The following DPP10 variants were observed in gnomAD, a reference collection of about 807,000 sequenced individuals.
The protein encoded by DPP10 is dipeptidyl peptidase like 10.
Under a neutral mutation model 120.9 loss-of-function variants are expected in DPP10, and 33 were observed. The ratio of observed to expected loss-of-function variants is 0.27; its 90% CI spans 0.21 to 0.37. The LOEUF (loss-of-function observed/expected upper bound fraction) is 0.37. DPP10 is among the 10% of genes least tolerant of loss of function. The pLI is 1.00. For synonymous variants in DPP10, 337 were observed against 326.1 expected (o/e 1.03, Z -0.36); for missense variants, 816 against 942.8 (o/e 0.87, Z 1.76).
chr2:115,571,631 A>G (rs1403407687), intron 5 of DPP10, among the ~76,000 whole-genome samples: 1 of 152,096 alleles, frequency 6.6e-6, no homozygotes, highest in Non-Finnish European at 1.5e-5. Context: ...CTTAATGACA[A>G]GGACCTATCT....
At chr2:115,841,834 C>T (rs74608878) in intron 25 of DPP10, among the ~76,000 whole-genome samples, 1,964 of 152,266 alleles carry the variant, frequency 0.013, 44 homozygotes, top group African/African-American at 0.042. Flanking sequence ...GAACTCAATG[C>T]TCTTTAAATA....
chr2:115,725,257 G>A (rs1049941466), intron 7 of DPP10, among the ~76,000 whole-genome samples: 2 of 151,990 alleles, frequency 1.3e-5, no homozygotes, highest in African/African-American at 2.4e-5. Flanking sequence ...CAGTACCTGG[G>A]GATACTTGCA....
intron 1 of DPP10, among the ~76,000 whole-genome samples, chr2:114,908,618 A>G (rs1406828086): frequency 1.3e-5 from 2 of 151,804 alleles, no homozygotes; most frequent in Admixed American, 6.6e-5. Flanking sequence ...TTTATCATCA[A>G]TTATGATGTT....
chr2:115,245,294 AC>A (rs1388849666), intron 1 of DPP10, among the ~76,000 whole-genome samples: 1 of 151,996 alleles, frequency 6.6e-6, no homozygotes, highest in Non-Finnish European at 1.5e-5. Context: ...AAAACAAATA[AC>A]CTCATCAAAA....
At chr2:115,188,578 A>G (rs1047433708) in intron 1 of DPP10, among the ~76,000 whole-genome samples, 13 of 152,228 alleles carry the variant, frequency 8.5e-5, no homozygotes, top group African/African-American at 2.7e-4. Flanking sequence ...TTTTCTAACC[A>G]CACATAAAGA....
rs564998823 is a variant in DPP10 at position 114,798,490 on chromosome 2, A to T, written c.60+355652A>T. 9.8e-5 allele frequency among the ~76,000 whole-genome samples: 15 copies of T among 152,320 alleles called. No individual in the cohort carries two copies. In the South Asian group the frequency reaches 3.1e-3, roughly 32 times the overall value. On this transcript the variant is annotated intron_variant, in intron 1 of 25. Transcript: ENST00000410059. Reference sequence around the variant, plus strand: ...TGCCCAGTAAGTGACAGAAAAAAAAATCAATTTGTTTATTCTTCTTTTTCT... The same window carrying T: ...TGCCCAGTAAGTGACAGAAAAAAAATTCAATTTGTTTATTCTTCTTTTTCT...
intron 3 of DPP10, among the ~76,000 whole-genome samples, chr2:115,377,467 A>T (rs563057446): frequency 6.6e-6 from 1 of 152,146 alleles, no homozygotes; most frequent in African/African-American, 2.4e-5. Context: ...TTGTCAGATG[A>T]GTAGATTGCA....
chr2:115,379,785 T>C (rs191638067), intron 3 of DPP10, among the ~76,000 whole-genome samples: 2,015 of 152,322 alleles, frequency 0.013, 25 homozygotes, highest in Non-Finnish European at 0.023. Context: ...AGAACATCTT[T>C]ATTTCTGCCT....
intron 5 of DPP10, among the ~76,000 whole-genome samples, chr2:115,653,486 C>T (rs149888446): frequency 1.3e-5 from 2 of 152,030 alleles, no homozygotes; most frequent in Admixed American, 1.3e-4. Context: ...TAAATGAAAT[C>T]CTAATTCCTT....
chr2:114,458,448 C>G (rs1355187230), intron 1 of DPP10, among the ~76,000 whole-genome samples: 3 of 152,006 alleles, frequency 2.0e-5, no homozygotes, highest in South Asian at 2.1e-4. Context: ...GTTGACTGCT[C>G]TAGTTATTTT....
chr2:115,319,879 A>G (rs2061975520), intron 2 of DPP10, among the ~76,000 whole-genome samples: 1 of 152,138 alleles, frequency 6.6e-6, no homozygotes, highest in Non-Finnish European at 1.5e-5. Context: ...AACAGAAGGA[A>G]AAGACAGCCT....
chr2:115,720,789 T>G (rs2092630373), intron 7 of DPP10, among the ~76,000 whole-genome samples: 1 of 152,164 alleles, frequency 6.6e-6, no homozygotes, highest in Admixed American at 6.5e-5. Flanking sequence ...TTAAAGACAT[T>G]GATAAACTGG....
intron 21 of DPP10, among the ~76,000 whole-genome samples, 159 bp downstream of exon 21, chr2:115,815,888 A>G (rs991215570): frequency 1.3e-5 from 2 of 151,916 alleles, no homozygotes; most frequent in Non-Finnish European, 2.9e-5. Context: ...GCAAGATTTG[A>G]TGGCAGAGGA....
intron 1 of DPP10, among the ~76,000 whole-genome samples, chr2:114,456,095 T>C (rs1055160884): frequency 2.0e-5 from 3 of 152,198 alleles, no homozygotes; most frequent in Non-Finnish European, 1.5e-5. Flanking sequence ...TCTCACGTTT[T>C]CATGGTCATC....
chr2:115,769,379 A>G (rs1348246108), intron 13 of DPP10, among the ~76,000 whole-genome samples: 1 of 152,094 alleles, frequency 6.6e-6, no homozygotes, highest in Non-Finnish European at 1.5e-5. Context: ...ACCATTATCC[A>G]TATACATTTG....
At chr2:115,011,840 G>A (rs1702286970) in intron 1 of DPP10, among the ~76,000 whole-genome samples, 1 of 152,022 alleles carries the variant, frequency 6.6e-6, no homozygotes, top group South Asian at 2.1e-4. Context: ...CTGAAAACCT[G>A]TGAGTCTGCT....
rs563918197 is a variant in DPP10, at chr2:115,099,249, G to C, written c.61-209990G>C. 4.6e-5 allele frequency among the ~76,000 whole-genome samples: 7 copies of C among 152,292 alleles called. No homozygotes were observed. The South Asian group carries it at 1.5e-3, about 32-fold the overall frequency. ...GAATCACTTGAACCCAGGAGGCGGA[G>C]GTTGCTGCGAGCCAAGGTTGTGCCA... On this transcript the variant is annotated intron_variant, in intron 1 of 25. Transcript: ENST00000410059.
chr2:115,107,422 CTTTTT>C (rs59046305), intron 1 of DPP10, among the ~76,000 whole-genome samples: 133 of 59,844 alleles, frequency 2.2e-3, no homozygotes, highest in East Asian at 3.7e-3. Context: ...TTGGTTATAG[CTTTTT>C]TTTTTTTTTT....
intron 1 of DPP10, among the ~76,000 whole-genome samples, chr2:114,845,189 T>C (rs565162765): frequency 3.8e-4 from 58 of 152,220 alleles, no homozygotes; most frequent in African/African-American, 1.3e-3. Context: ...CAACATGCAT[T>C]GGACTCAACC....
Sources: allele counts gnomAD v4.1 joint callset (sites outside exome capture counted in the v4.1 genomes callset), GRCh38; gene constraint gnomAD v4.1.1; transcripts MANE v1.5; gene names NCBI Gene and HGNC (gene_info 2026-07-23, HGNC 2026-07-21).